The following ATP6V1H variants were observed in gnomAD, a reference collection of about 807,000 sequenced individuals.
The protein encoded by ATP6V1H is V-type proton ATPase subunit H.
A neutral mutation model predicts 71.7 loss-of-function variants in ATP6V1H; 39 were observed. The observed-to-expected ratio is 0.54, with a 90% CI of 0.42 to 0.71. ATP6V1H has a LOEUF of 0.71. Ranked by LOEUF, ATP6V1H falls within the 30% of genes least tolerant of loss-of-function variation. The pLI, the probability that ATP6V1H is intolerant of heterozygous loss-of-function variation, is 0.00. For missense variants in ATP6V1H, 509 were observed against 594.9 expected, an observed-to-expected ratio of 0.86 and a Z score of 1.50; for synonymous variants, 192 against 199.3, an observed-to-expected ratio of 0.96 and a Z score of 0.31.
chr8:53,768,277 G>A (rs376056234), intron 11 of ATP6V1H, among the ~76,000 whole-genome samples: 171 of 152,194 alleles, frequency 1.1e-3, no homozygotes, highest in African/African-American at 3.7e-3. Context: ...AATCAAAAAG[G>A]TCATAATAAA....
At chr8:53,735,230 T>G (rs1807160311) in intron 13 of ATP6V1H, among the ~76,000 whole-genome samples, 1 of 152,078 alleles carries the variant, frequency 6.6e-6, no homozygotes, top group Non-Finnish European at 1.5e-5. Context: ...TCTGGGTGGG[T>G]GGAGGCTTAT....
At chr8:53,765,434 T>G (rs865882213) in intron 11 of ATP6V1H, among the ~76,000 whole-genome samples, 503 of 47,990 alleles carry the variant, frequency 0.01, no homozygotes, top group Admixed American at 0.015. Context: ...GCGGGGAGGG[T>G]GGTGGACAAC....
chr8:53,749,761 T>C (rs950097929), intron 12 of ATP6V1H, among the ~76,000 whole-genome samples: 1 of 145,430 alleles, frequency 6.9e-6, no homozygotes, highest in Admixed American at 6.9e-5. Flanking sequence ...AAAAAAAAAG[T>C]GTAGCTGTAC....
rs1474595603 is a variant in ATP6V1H, at chr8:53,746,677, C to A, written c.1278-2987G>T. Among the ~76,000 whole-genome samples, 3 of 151,942 alleles carry A rather than the reference C, an allele frequency of 2.0e-5. No individual in the cohort carries two copies. In the East Asian group the frequency reaches 5.8e-4, roughly 29 times the overall value. The stretch of plus-strand genomic sequence containing the variant: ...TCTCGCCCCACTGAAACTCACAGTG[C>A]TATTGAAATAAACAGACATTTCTCA... On this transcript the variant is annotated intron_variant, in intron 12 of 13. Coordinates refer to ENST00000359530, the MANE Select transcript of ATP6V1H (RefSeq NM_015941.4).
chr8:53,805,981 T>C (rs569824303), intron 7 of ATP6V1H, among the ~76,000 whole-genome samples: 1 of 152,052 alleles, frequency 6.6e-6, no homozygotes, highest in African/African-American at 2.4e-5. Context: ...TTTGTGCGAG[T>C]TGAGGTGAAG....
chr8:53,819,699 T>G (rs1810584221), intron 4 of ATP6V1H, among the ~76,000 whole-genome samples: 2 of 126,350 alleles, frequency 1.6e-5, no homozygotes, highest in African/African-American at 6.8e-5. Flanking sequence ...TGTATATATG[T>G]ATATACGTAT....
chr8:53,796,352 T>C, intron 8 of ATP6V1H, among the ~76,000 whole-genome samples: 1 of 152,152 alleles, frequency 6.6e-6, no homozygotes, highest in Non-Finnish European at 1.5e-5. Context: ...TGATCAAATT[T>C]CTAGTTTGAT....
intron 4 of ATP6V1H, among the ~76,000 whole-genome samples, chr8:53,818,788 A>G (rs1585822628): frequency 6.6e-6 from 1 of 152,364 alleles, no homozygotes; most frequent in East Asian, 1.9e-4. Flanking sequence ...TTCAGAAGTG[A>G]TAAGGATGAA....
intron 8 of ATP6V1H, among the ~76,000 whole-genome samples, chr8:53,797,489 T>C (rs1483071920): frequency 1.3e-5 from 2 of 152,320 alleles, no homozygotes; most frequent in East Asian, 3.9e-4. Context: ...AGGCTTTTCC[T>C]CGGAGTTCAG....
At chr8:53,807,084 T>C (rs1414229200) in intron 7 of ATP6V1H, among the ~76,000 whole-genome samples, 1 of 152,226 alleles carries the variant, frequency 6.6e-6, no homozygotes, top group African/African-American at 2.4e-5. Flanking sequence ...TGTGAATAAC[T>C]GATGTGGCCC....
intron 11 of ATP6V1H, among the ~76,000 whole-genome samples, chr8:53,762,956 A>G (rs1326970883): frequency 1.3e-5 from 2 of 152,218 alleles, no homozygotes; most frequent in Non-Finnish European, 2.9e-5. Flanking sequence ...CACTTAATGG[A>G]CAGTAAATAT....
At chr8:53,744,139 G>C (rs985004627) in intron 12 of ATP6V1H, among the ~76,000 whole-genome samples, 1 of 152,096 alleles carries the variant, frequency 6.6e-6, no homozygotes, top group Non-Finnish European at 1.5e-5. Flanking sequence ...GATGTAGATA[G>C]CAGGGAACAG....
intron 9 of ATP6V1H, among the ~76,000 whole-genome samples, chr8:53,773,429 TA>T (rs1187936444): frequency 6.6e-6 from 1 of 152,104 alleles, no homozygotes; most frequent in Non-Finnish European, 1.5e-5. Context: ...GGCAACTACT[TA>T]AAAAAACAGT....
intron 11 of ATP6V1H, among the ~76,000 whole-genome samples, chr8:53,768,173 C>T (rs1015697635): frequency 1.3e-5 from 2 of 152,080 alleles, no homozygotes; most frequent in East Asian, 3.9e-4. Flanking sequence ...CCAATAAGCA[C>T]ATGAAAAGAT....
chr8:53,739,130 TTAATTTAGAAATTAGAATTC>T lies in ATP6V1H; in HGVS notation c.1391+4427_1391+4446del, dbSNP rs532413988. ...GAGACCCAGAAAGAGAATCTAGAAA[TTAATTTAGAAATTAGAATTC>T]TAATTTAGAAATTAGAAATTAGTTC... On this transcript the variant is annotated intron_variant, in intron 13 of 13. Coordinates refer to ENST00000359530, the MANE Select transcript of ATP6V1H (RefSeq NM_015941.4). Among the ~76,000 whole-genome samples, 348 of 152,260 alleles carry T rather than the reference TTAATTTAGAAATTAGAATTC, an allele frequency of 2.3e-3. 1 individual carries two copies. The highest frequency in any genetic ancestry group is 8.0e-3 in the African/African-American group (332 of 41,546).
At chr8:53,758,871 T>C (rs1214293407) in intron 11 of ATP6V1H, among the ~76,000 whole-genome samples, 1 of 152,228 alleles carries the variant, frequency 6.6e-6, no homozygotes, top group Non-Finnish European at 1.5e-5. Context: ...AGTTGAGTAA[T>C]TTGGGACAGA....
chr8:53,841,436 A>G, intron 2 of ATP6V1H, 142 bp downstream of exon 2: 1 of 1,019,416 alleles, frequency 9.8e-7, no homozygotes, highest in Non-Finnish European at 1.4e-6. Context: ...ACTCCCTAAG[A>G]CAGCTAATTA....
chr8:53,839,977 A>G, intron 2 of ATP6V1H: 1 of 920,624 alleles, frequency 1.1e-6, no homozygotes, highest in South Asian at 5.0e-5. Context: ...CCTCCAAAAC[A>G]TGTATGACTC....
intron 13 of ATP6V1H, among the ~76,000 whole-genome samples, chr8:53,728,558 T>C (rs947561903): frequency 6.6e-6 from 1 of 152,242 alleles, no homozygotes; most frequent in African/African-American, 2.4e-5. Flanking sequence ...CATTACAATT[T>C]CACTGGGCTG....
Sources: gnomAD v4.1 joint callset for allele counts (sites outside exome capture counted in the v4.1 genomes callset) on GRCh38, gnomAD v4.1.1 for gene constraint, MANE v1.5 for transcripts, NCBI Gene and HGNC (gene_info 2026-07-23, HGNC 2026-07-21) for gene names.